Variants in KIT observed in about 807,000 individuals in gnomAD.
KIT encodes mast/stem cell growth factor receptor Kit.
KIT carries 16 observed loss-of-function variants against 105.7 expected under a neutral mutation model. The ratio of observed to expected loss-of-function variants is 0.15; its 90% confidence interval spans 0.10 to 0.23. The LOEUF is 0.23. KIT is among the 10% of genes least tolerant of loss of function. The pLI is 1.00. For synonymous variants in KIT, 438 were observed against 441.1 expected, an observed-to-expected ratio of 0.99 and a Z score of 0.09; for missense variants, 858 against 1,213.8, an observed-to-expected ratio of 0.71 and a Z score of 4.36.
At chr4:54,701,435 A>AT (rs750846679) in intron 4 of KIT, among the ~76,000 whole-genome samples, 1 of 152,350 alleles carries the variant, frequency 6.6e-6, no homozygotes, top group East Asian at 1.9e-4. Context: ...TCACAATGTA[A>AT]TTTAGGGTAA....
chr4:54,664,568 G>A (rs574915801), intron 1 of KIT, among the ~76,000 whole-genome samples: 2 of 150,342 alleles, frequency 1.3e-5, no homozygotes, highest in South Asian at 4.2e-4. Flanking sequence ...AAGACTAAGG[G>A]AGAGTCTGTT....
chr4:54,721,092 T>A (rs77093200), intron 7 of KIT, among the ~76,000 whole-genome samples: 52 of 152,260 alleles, frequency 3.4e-4, no homozygotes, highest in African/African-American at 1.1e-3. Flanking sequence ...GCTGTGGGTC[T>A]CACTGAGCTA....
At chr4:54,712,563 T>C (rs1011229415) in intron 7 of KIT, among the ~76,000 whole-genome samples, 3 of 152,350 alleles carry the variant, frequency 2.0e-5, no homozygotes, top group South Asian at 4.1e-4. Flanking sequence ...TCATGAGATA[T>C]TGACCTCAGG....
chr4:54,718,629 A>T (rs1463534121), intron 7 of KIT, among the ~76,000 whole-genome samples: 2 of 152,216 alleles, frequency 1.3e-5, no homozygotes, highest in African/African-American at 4.8e-5. Flanking sequence ...TATTTACCTG[A>T]AATATGTATC....
intron 1 of KIT, among the ~76,000 whole-genome samples, chr4:54,665,047 C>T (rs1717592772): frequency 6.6e-6 from 1 of 152,178 alleles, no homozygotes; most frequent in Admixed American, 6.5e-5. Flanking sequence ...CAGCTCCCCT[C>T]TCCTTCCCCC....
chr4:54,682,587 G>A (rs1031779127), intron 1 of KIT, among the ~76,000 whole-genome samples: 3 of 151,644 alleles, frequency 2.0e-5, no homozygotes, highest in Non-Finnish European at 1.5e-5. Context: ...CACCATATCC[G>A]GCTAATTTTT....
intron 13 of KIT, among the ~76,000 whole-genome samples, chr4:54,728,930 A>G (rs971235012): frequency 3.9e-5 from 6 of 152,174 alleles, no homozygotes; most frequent in Admixed American, 2.6e-4. Flanking sequence ...TTTTCCCACT[A>G]TGCCACAGTT....
chr4:54,723,944 T>C (rs773934700), intron 8 of KIT, among the ~76,000 whole-genome samples: 4 of 152,218 alleles, frequency 2.6e-5, no homozygotes, highest in Non-Finnish European at 5.9e-5. Flanking sequence ...GGATTTATCA[T>C]GCAATTTCTA....
chr4:54,674,061 G>A (rs1424479963), intron 1 of KIT, among the ~76,000 whole-genome samples: 7 of 152,134 alleles, frequency 4.6e-5, no homozygotes, highest in South Asian at 2.1e-4. Flanking sequence ...ATGAGCCACC[G>A]TGCCCGGCCT....
intron 5 of KIT, among the ~76,000 whole-genome samples, chr4:54,704,230 A>G (rs1720642505): frequency 6.6e-6 from 1 of 152,218 alleles, no homozygotes; most frequent in Admixed American, 6.5e-5. Context: ...TGGATGTAGA[A>G]TTTATCAAGG....
chr4:54,734,959 C>G (rs1374875183), intron 17 of KIT, among the ~76,000 whole-genome samples: 1 of 152,072 alleles, frequency 6.6e-6, no homozygotes, highest in Non-Finnish European at 1.5e-5. Context: ...GTAACAGGCT[C>G]TGTTAGGTTG....
At chr4:54,700,373 G>A (rs980743491) in intron 4 of KIT, among the ~76,000 whole-genome samples, 5 of 152,170 alleles carry the variant, frequency 3.3e-5, no homozygotes, top group African/African-American at 1.2e-4. Context: ...ATCTGGGCAT[G>A]CTTACGTTCC....
intron 17 of KIT, among the ~76,000 whole-genome samples, chr4:54,734,551 T>C (rs1164947312): frequency 6.6e-6 from 1 of 152,218 alleles, no homozygotes; most frequent in Non-Finnish European, 1.5e-5. Context: ...GTTGGCTCTA[T>C]CAGGCTTCCA....
chr4:54,668,665 C>T (rs1717879933), intron 1 of KIT, among the ~76,000 whole-genome samples: 1 of 152,176 alleles, frequency 6.6e-6, no homozygotes, highest in African/African-American at 2.4e-5. Flanking sequence ...ATTCAATTGG[C>T]TTCTGGGGAA....
chr4:54,703,972 A>G, intron 5 of KIT, 80 bp downstream of exon 5: 2 of 1,115,186 alleles, frequency 1.8e-6, no homozygotes, highest in South Asian at 2.5e-5. Context: ...TTTTATGTAA[A>G]TGGAATGTTG....
rs1247476129 is a variant in KIT at position 54,658,089 on chromosome 4, A to G, written c.67+8A>G. On this transcript the variant is annotated splice_region_variant and intron_variant, in intron 1 of 20. Transcript: ENST00000288135. ...TGCTTCGCGTCCAGACAGGTGGGACACCGCGGCTGGCACCCCGACCGTGCG... is the reference window on the plus strand; with the variant it reads ...TGCTTCGCGTCCAGACAGGTGGGACGCCGCGGCTGGCACCCCGACCGTGCG... 1.2e-6 allele frequency: 2 copies of G among 1,613,464 alleles called. No homozygotes were observed. The highest frequency in any genetic ancestry group is 8.5e-7 in the Non-Finnish European group (1 of 1,179,700).
chr4:54,712,937 A>G (rs1195130660), intron 7 of KIT, among the ~76,000 whole-genome samples: 2 of 152,174 alleles, frequency 1.3e-5, no homozygotes, highest in African/African-American at 4.8e-5. Flanking sequence ...TCACTTACCT[A>G]ACACGTTGGA....
chr4:54,707,417 C>T (rs1261551799), intron 6 of KIT, 130 bp downstream of exon 6: 1 of 703,096 alleles, frequency 1.4e-6, no homozygotes, highest in Non-Finnish European at 2.5e-6. Flanking sequence ...GGGGCTGCCT[C>T]CTATGTCCTC....
At chr4:54,698,162 A>G in intron 2 of KIT, 122 bp from the exon 3 acceptor site, 1 of 1,023,396 alleles carries the variant, frequency 9.8e-7, no homozygotes, top group Non-Finnish European at 1.5e-6. Flanking sequence ...TTTTGTTTAC[A>G]CAGAAAAAAG....
Sources: gnomAD v4.1 joint callset for allele counts (sites outside exome capture counted in the v4.1 genomes callset) on GRCh38, gnomAD v4.1.1 for gene constraint, MANE v1.5 for transcripts, NCBI Gene and HGNC (gene_info 2026-07-23, HGNC 2026-07-21) for gene names.